Variants in MGAM observed in about 807,000 individuals in gnomAD.
MGAM encodes alpha-1,4-glucosidase.
In MGAM, 253 loss-of-function variants were observed where a neutral mutation model predicts 358.8. That is an observed-to-expected ratio of 0.71 (90% CI 0.64 to 0.78). MGAM has a LOEUF of 0.78. Ranked by LOEUF, MGAM falls within the 30% of genes least tolerant of loss-of-function variation. MGAM has a pLI of 0.00. For missense variants in MGAM, 3,080 were observed against 3,432.6 expected (o/e 0.90, Z 2.57); for synonymous variants, 1,105 against 1,227.1 (o/e 0.90, Z 2.08).
chr7:142,056,148 G>C (rs1438038723), intron 29 of MGAM, 52 bp downstream of exon 29: 2 of 1,517,056 alleles, frequency 1.3e-6, no homozygotes, highest in East Asian at 2.4e-5. Flanking sequence ...TCATGCCTGA[G>C]TCAATTTACA....
chr7:142,033,645 G>A (rs1311954190), intron 14 of MGAM, among the ~76,000 whole-genome samples: 2 of 152,156 alleles, frequency 1.3e-5, no homozygotes, highest in Admixed American at 1.3e-4. Context: ...TTTGGTGTTA[G>A]AAGCTACTTA....
chr7:142,019,244 G>A lies in MGAM; in HGVS notation c.373G>A (p.Val125Ile), dbSNP rs782272356. ...RGCCWNPQGA[V>I]SVPWCYYSKN... Reference sequence around the variant, plus strand: ...CTGTTGCTGGAATCCCCAGGGAGCTGTAAGTGTTCCCTGGTGCTACTATTC... The same window carrying A: ...CTGTTGCTGGAATCCCCAGGGAGCTATAAGTGTTCCCTGGTGCTACTATTC... The change falls in exon 4 of 71, where the codon GTA (valine) becomes ATA (isoleucine). Residue 125 changes from valine to isoleucine, a missense_variant. Val to Ile is a conservative substitution (Grantham distance 29). This residue lies in a region of MGAM where 1,816 missense variants were observed against 1,840.5 expected (regional missense o/e 0.99). Coordinates refer to ENST00000475668, the MANE Select transcript of MGAM (RefSeq NM_001365693.1). 3.1e-6 allele frequency: 5 copies of A among 1,613,498 alleles called. No homozygotes were observed. The Admixed American group carries it at 8.3e-5, about 27-fold the overall frequency.
intron 45 of MGAM, among the ~76,000 whole-genome samples, chr7:142,074,619 T>C (rs1813598551): frequency 6.8e-6 from 1 of 146,252 alleles, no homozygotes; most frequent in African/African-American, 2.4e-5. Flanking sequence ...TCCAGTATAC[T>C]AACAATTCTT....
At position 142,050,859 on chromosome 7, in the gene MGAM, C is replaced by A. The variant is rs1261564245; in HGVS notation, c.2800C>A (p.Leu934Met). ...TSPTVTYDSN[L>M]KVAIITDIDL... ...TCCTACAGTCACTTATGATTCTAACCTGAAGGTAAAAACCCATTTTGTTGA... is the reference window on the plus strand; with the variant it reads ...TCCTACAGTCACTTATGATTCTAACATGAAGGTAAAAACCCATTTTGTTGA... Residue 934 changes from leucine to methionine, a missense_variant, in exon 24 of 71, where the codon CTG becomes ATG. Leu to Met is a conservative substitution (Grantham distance 15). Around this residue, in one of 5 missense-constraint regions of MGAM, gnomAD observed 1,816 missense variants for 1,840.5 expected, o/e 0.99. Transcript: ENST00000475668. 9.3e-6 allele frequency: 15 copies of A among 1,613,510 alleles called. No homozygotes were observed. The highest frequency in any genetic ancestry group is 1.3e-5 in the African/African-American group (1 of 74,896).
chr7:142,023,430 C>CAT (rs111642860), intron 7 of MGAM, among the ~76,000 whole-genome samples: 5,575 of 148,172 alleles, frequency 0.038, 279 homozygotes, highest in African/African-American at 0.11. Context: ...ATTTATTAGT[C>CAT]ATATATATAT....
At chr7:142,009,825 G>C (rs1297952854) in intron 3 of MGAM, among the ~76,000 whole-genome samples, 1 of 152,206 alleles carries the variant, frequency 6.6e-6, no homozygotes, top group Non-Finnish European at 1.5e-5. Context: ...AATCCTGAGA[G>C]CGGTATGCTG....
Position 142,092,081 on chromosome 7 carries a change from A to G in MGAM, c.6945+34A>G, listed in dbSNP as rs13310650. On this transcript the variant is annotated intron_variant, in intron 58 of 70. Coordinates refer to ENST00000475668, the MANE Select transcript of MGAM (RefSeq NM_001365693.1). ...GTGTGTGTCTCTGTGTACCAGTGAC[A>G]CTTGTCTATCTTTGTGTGCCTACGT... is the stretch of plus-strand genomic sequence containing the variant. The G allele has an allele frequency of 2.1e-4, 326 of 1,542,852 alleles. 46 individuals are homozygous for G. The highest frequency in any genetic ancestry group is 2.7e-4 in the Non-Finnish European group (309 of 1,124,954).
chr7:142,062,439 T>C, intron 34 of MGAM, 129 bp from the exon 35 acceptor site: 2 of 1,212,196 alleles, frequency 1.6e-6, no homozygotes, highest in East Asian at 2.5e-5. Flanking sequence ...AATAACATTA[T>C]TTAGGCCCTG....
intron 21 of MGAM, among the ~76,000 whole-genome samples, chr7:142,044,848 A>G (rs1809825733): frequency 1.6e-5 from 1 of 64,482 alleles, no homozygotes; most frequent in South Asian, 4.5e-4. Context: ...TATATTACAT[A>G]CACGTGTAAT....
chr7:141,997,047 G>C (rs1337034789), intron 1 of MGAM, among the ~76,000 whole-genome samples: 15 of 152,282 alleles, frequency 9.9e-5, no homozygotes, highest in African/African-American at 3.1e-4. Context: ...ATCCTTACTA[G>C]TTGCCAGTCT....
In MGAM at chr7:142,078,689, A is replaced by T. The variant is rs767554835; in HGVS notation, c.5647-119A>T. ...GGAAATTAAATTTATGTTATTGCCA[A>T]GTGATAAGTGATAGGCTGGTTTTAT... On this transcript the variant is annotated intron_variant, in intron 48 of 70. Transcript: ENST00000475668. 58 of 1,146,258 alleles carry T rather than the reference A, an allele frequency of 5.1e-5. 9 individuals carry two copies. Among genetic ancestry groups the T allele is most frequent in the Non-Finnish European group, 6.2e-5 (50 of 809,902 alleles). The allele number at this position is 1,146,258 out of a possible 1,614,324, so 71.0% of individuals were successfully genotyped here.
chr7:142,031,754 G>A lies in MGAM; in HGVS notation c.1545G>A (p.Glu515=). 2 of 1,612,764 alleles carry A rather than the reference G, an allele frequency of 1.2e-6. No homozygotes were observed. Among genetic ancestry groups the A allele is most frequent in the East Asian group, 2.2e-5 (1 of 44,834 alleles). ...NCAVWWTKEF[E]LFHNQVEFDG... ...CTGTTTGGTGGACAAAGGAATTTGA[G>A]CTTTTTCACAATCAAGTAGAGTTTG... The change falls in exon 13 of 71, where the codon GAG becomes GAA. Residue 515 remains glutamate (E), a synonymous_variant. Transcript: ENST00000475668.
At chr7:142,045,404 T>TATATTATATATCCCTATAATACATG (rs1563157773) in intron 21 of MGAM, among the ~76,000 whole-genome samples, 8 of 105,446 alleles carry the variant, frequency 7.6e-5, no homozygotes, top group Non-Finnish European at 1.2e-4. Context: ...TGATATATTA[T>TATATTATATATCCCTATAATACATG]ATATATTATA....
intron 9 of MGAM, 81 bp from the exon 10 acceptor site, chr7:142,027,529 G>C: frequency 2.1e-6 from 3 of 1,433,914 alleles, no homozygotes; most frequent in Non-Finnish European, 2.9e-6. Context: ...GACTATGTTT[G>C]GTGCTCTGAA....
rs1364694211 is a variant in MGAM at position 142,082,141 on chromosome 7, GCA to G, written c.6106_6107del (p.Thr2036ValfsTer91). Reference sequence around the variant, plus strand: ...ACCTCTATGGCTTTGGGGAGACTGAGCACACGTCCTACAGGAGAGACTTGGAG... The same window carrying G: ...ACCTCTATGGCTTTGGGGAGACTGAGCACGTCCTACAGGAGAGACTTGGAG... Reference protein sequence around the residue: ...KYLYGFGETEHTSYRRDLEWH... With the variant: ...KYLYGFGETEXTSYRRDLEWH... On this transcript the variant is annotated frameshift_variant, in exon 51 of 71. Transcript: ENST00000475668. LOFTEE classifies it high-confidence loss of function. 2.6e-6 allele frequency: 4 copies of G among 1,555,596 alleles called. 1 individual carries two copies. The highest frequency in any genetic ancestry group is 3.5e-6 in the Non-Finnish European group (4 of 1,132,438).
chr7:142,085,529 T>C (rs1814668664), intron 54 of MGAM, among the ~76,000 whole-genome samples: 1 of 146,274 alleles, frequency 6.8e-6, no homozygotes, highest in South Asian at 2.2e-4. Context: ...CAGTCACTCC[T>C]GATAGTGGCA....
At chr7:142,080,736 G>A in intron 49 of MGAM, 55 bp from the exon 50 acceptor site, 1 of 1,444,700 alleles carries the variant, frequency 6.9e-7, no homozygotes, top group Non-Finnish European at 9.5e-7. Flanking sequence ...GTTCTGCTAA[G>A]GGTATAGGTT....
chr7:142,062,759 A>C (rs1321459611), intron 35 of MGAM, 57 bp downstream of exon 35: 4 of 1,608,202 alleles, frequency 2.5e-6, no homozygotes, highest in African/African-American at 2.7e-5. Context: ...TGTGTGCCTA[A>C]GTATATGTAC....
chr7:142,057,017 T>C, intron 30 of MGAM, 75 bp downstream of exon 30: 1 of 1,339,028 alleles, frequency 7.5e-7, no homozygotes, highest in Admixed American at 2.2e-5. Context: ...TTGATTAGTA[T>C]AACTCTCAGT....
Sources: allele counts gnomAD v4.1 joint callset (sites outside exome capture counted in the v4.1 genomes callset), GRCh38; gene constraint gnomAD v4.1.1; regional missense constraint gnomAD v4.1.1; transcripts MANE v1.5; gene names NCBI Gene and HGNC (gene_info 2026-07-23, HGNC 2026-07-21).